ERC2: variants seen among roughly 807,000 people sequenced by gnomAD.
ERC2 encodes ELKS/RAB6-interacting/CAST family member 2, also known as ERC protein 2.
ERC2 carries 42 observed loss-of-function variants against 114.8 expected under a neutral mutation model. The ratio of observed to expected loss-of-function variants is 0.37; its 90% CI spans 0.29 to 0.47. ERC2 has a LOEUF of 0.47. ERC2 is among the 20% of genes least tolerant of loss of function. ERC2 has a pLI of 0.99. For missense variants in ERC2, 939 were observed against 1,150.7 expected, an observed-to-expected ratio of 0.82 and a Z score of 2.66; for synonymous variants, 454 against 425.5, an observed-to-expected ratio of 1.07 and a Z score of -0.82.
chr3:56,114,958 T>C (rs973249885), intron 6 of ERC2, among the ~76,000 whole-genome samples: 1 of 152,188 alleles, frequency 6.6e-6, no homozygotes, highest in African/African-American at 2.4e-5. Flanking sequence ...TCAGGAATCA[T>C]GCAGCCAGAG....
At chr3:55,755,216 C>CT (rs1335339848) in intron 14 of ERC2, among the ~76,000 whole-genome samples, 2 of 151,912 alleles carry the variant, frequency 1.3e-5, no homozygotes, top group African/African-American at 4.8e-5. Flanking sequence ...ATATGGAAGC[C>CT]TAGAAGAAAC....
At chr3:56,263,087 T>C (rs1397700707) in intron 3 of ERC2, among the ~76,000 whole-genome samples, 1 of 152,258 alleles carries the variant, frequency 6.6e-6, no homozygotes, top group African/African-American at 2.4e-5. Flanking sequence ...CCTTAACATT[T>C]CACTCTCAGG....
At chr3:55,910,414 A>AAAAAC (rs921212512) in intron 13 of ERC2, among the ~76,000 whole-genome samples, 1 of 152,088 alleles carries the variant, frequency 6.6e-6, no homozygotes, top group Admixed American at 6.6e-5. Flanking sequence ...AAAAAACAAA[A>AAAAAC]AAAACAAAAC....
At chr3:56,335,224 T>A (rs1316467145) in intron 2 of ERC2, among the ~76,000 whole-genome samples, 4 of 152,232 alleles carry the variant, frequency 2.6e-5, no homozygotes, top group African/African-American at 9.6e-5. Context: ...CTGGTGGATA[T>A]TCTATTCAAC....
At chr3:55,852,115 GA>G (rs1227467395) in intron 14 of ERC2, among the ~76,000 whole-genome samples, 1 of 152,120 alleles carries the variant, frequency 6.6e-6, no homozygotes, top group Middle Eastern at 3.2e-3. Context: ...AGCTACTCAG[GA>G]GGCTGAGGCA....
chr3:55,600,901 C>T (rs2058370726), intron 17 of ERC2, among the ~76,000 whole-genome samples: 3 of 152,268 alleles, frequency 2.0e-5, no homozygotes, highest in Non-Finnish European at 4.4e-5. Context: ...GATGTCGCTC[C>T]TACTGGCCCT....
intron 14 of ERC2, among the ~76,000 whole-genome samples, chr3:55,834,190 A>T (rs1054743504): frequency 5.3e-5 from 8 of 152,214 alleles, no homozygotes; most frequent in Non-Finnish European, 7.3e-5. Context: ...TGTCAACGTT[A>T]GACAGATGAA....
rs34820943 is a variant in ERC2, at chr3:56,179,058, TA to T, written c.1075-5539del. ...CTAACACTAATGAAAGTTGATGAGC[TA>T]AAAAAAAAAAAAAAGTCACAAAAAA... On this transcript the variant is annotated intron_variant, in intron 3 of 17. Coordinates refer to ENST00000288221, the MANE Select transcript of ERC2 (RefSeq NM_015576.3). 6.6e-3 allele frequency among the ~76,000 whole-genome samples: 870 copies of T among 132,352 alleles called. 3 individuals carry two copies. Among genetic ancestry groups the T allele is most frequent in the African/African-American group, 0.011 (388 of 34,830 alleles). 86.8% of individuals were successfully genotyped at this position (132,352 alleles called of 152,430 possible). A position where few individuals can be genotyped will look rare whatever the true frequency, so the allele number is the denominator to read the frequency against.
intron 1 of ERC2, among the ~76,000 whole-genome samples, chr3:56,466,182 A>G (rs1375959111): frequency 6.6e-6 from 1 of 152,272 alleles, no homozygotes; most frequent in Non-Finnish European, 1.5e-5. Context: ...TGATAGTAAT[A>G]GTAATAATAC....
At chr3:56,088,553 C>T (rs2077622873) in intron 6 of ERC2, among the ~76,000 whole-genome samples, 1 of 151,976 alleles carries the variant, frequency 6.6e-6, no homozygotes, top group Non-Finnish European at 1.5e-5. Flanking sequence ...GGTTAAAGAT[C>T]AAAGCCTTGG....
At chr3:56,440,254 C>G (rs1284429027) in intron 1 of ERC2, among the ~76,000 whole-genome samples, 1 of 152,138 alleles carries the variant, frequency 6.6e-6, no homozygotes, top group African/African-American at 2.4e-5. Flanking sequence ...ACACATAAAA[C>G]TGAATGCGGC....
chr3:55,713,096 T>TTCTCTCTCTCTC lies in ERC2; in HGVS notation c.2713-13596_2713-13585dup, dbSNP rs143906006. Among the ~76,000 whole-genome samples the TTCTCTCTCTCTC allele has an allele frequency of 1.7e-3, 233 of 135,104 alleles. 1 individual carries two copies. Among genetic ancestry groups the TTCTCTCTCTCTC allele is most frequent in the Non-Finnish European group, 2.8e-3 (178 of 63,482 alleles). The allele number at this position is 135,104 out of a possible 152,430, so 88.6% of individuals were successfully genotyped here. A position where few individuals can be genotyped will look rare whatever the true frequency, so the allele number is the denominator to read the frequency against. On this transcript the variant is annotated intron_variant, in intron 15 of 17. Transcript: ENST00000288221. ...ATCCTGGTTGTTAGTTCCTCTGCCA[T>TTCTCTCTCTCTC]TCTCTCTCTCTCTCTCTCTCTCTCT... is the stretch of plus-strand genomic sequence containing the variant.
intron 2 of ERC2, among the ~76,000 whole-genome samples, chr3:56,346,452 G>A (rs1350236043): frequency 6.6e-6 from 1 of 151,992 alleles, no homozygotes; most frequent in East Asian, 1.9e-4. Context: ...TGCTATGAAG[G>A]AATACCCAAG....
chr3:56,140,680 G>C (rs1464248279), intron 5 of ERC2, among the ~76,000 whole-genome samples: 1 of 152,138 alleles, frequency 6.6e-6, no homozygotes, highest in Non-Finnish European at 1.5e-5. Context: ...ATATTCTCAA[G>C]TGTCTATCTA....
intron 3 of ERC2, among the ~76,000 whole-genome samples, chr3:56,256,734 G>T (rs894719970): frequency 6.6e-6 from 1 of 152,152 alleles, no homozygotes; most frequent in African/African-American, 2.4e-5. Context: ...TTTCCCCCAT[G>T]TGGTTTTCAT....
chr3:55,833,389 C>A (rs993316936), intron 14 of ERC2, among the ~76,000 whole-genome samples: 114 of 151,590 alleles, frequency 7.5e-4, no homozygotes, highest in African/African-American at 2.7e-3. Flanking sequence ...AAGGGAATCC[C>A]ATCAGACTAA....
chr3:55,882,024 T>G (rs932250322), intron 14 of ERC2, among the ~76,000 whole-genome samples: 1 of 152,192 alleles, frequency 6.6e-6, no homozygotes, highest in African/African-American at 2.4e-5. Context: ...GGTTTGAATA[T>G]TTGTCCCCTC....
At chr3:56,433,190 AAAAGAGAG>A (rs1246253427) in intron 2 of ERC2, among the ~76,000 whole-genome samples, 11 of 19,080 alleles carry the variant, frequency 5.8e-4, no homozygotes, top group African/African-American at 1.8e-3. Flanking sequence ...AAAAAAAAAA[AAAAGAGAG>A]AGAGAGAGAG....
chr3:55,552,551 C>A (rs1472784361), intron 17 of ERC2, among the ~76,000 whole-genome samples: 1 of 151,390 alleles, frequency 6.6e-6, no homozygotes, highest in African/African-American at 2.4e-5. Context: ...GGAAAAAATG[C>A]ACTTTATGTG....
Sources: allele counts gnomAD v4.1 joint callset (sites outside exome capture counted in the v4.1 genomes callset), GRCh38; gene constraint gnomAD v4.1.1; transcripts MANE v1.5; gene names NCBI Gene and HGNC (gene_info 2026-07-23, HGNC 2026-07-21).